The following MBD5 variants were observed in gnomAD, a reference collection of about 807,000 sequenced individuals.
MBD5 encodes the protein methyl-CpG-binding domain protein 5.
In MBD5, 13 loss-of-function variants were observed where a neutral mutation model predicts 117.3. The observed-to-expected ratio is 0.11, with a 90% confidence interval of 0.07 to 0.18. The LOEUF (loss-of-function observed/expected upper bound fraction) is 0.18. Ranked by LOEUF, MBD5 falls within the 10% of genes least tolerant of loss-of-function variation. MBD5 has a pLI of 1.00. For missense variants in MBD5, 1,879 were observed against 2,093.8 expected, an observed-to-expected ratio of 0.90 and a Z score of 2.00; for synonymous variants, 727 against 766.4, an observed-to-expected ratio of 0.95 and a Z score of 0.85.
intron 1 of MBD5, among the ~76,000 whole-genome samples, chr2:148,164,412 G>A (rs1698079990): frequency 6.6e-6 from 1 of 151,940 alleles, no homozygotes; most frequent in Admixed American, 6.6e-5. Flanking sequence ...CATAGAGAAG[G>A]GGACATTTGG....
intron 4 of MBD5, among the ~76,000 whole-genome samples, chr2:148,403,448 G>A (rs1704986088): frequency 6.6e-6 from 1 of 152,112 alleles, no homozygotes; most frequent in Non-Finnish European, 1.5e-5. Flanking sequence ...CCAAAGTTCT[G>A]GGATTATAGG....
intron 1 of MBD5, chr2:148,062,212 T>C (rs1695056055): frequency 6.6e-6 from 1 of 151,738 alleles, no homozygotes; most frequent in Non-Finnish European, 1.5e-5. Context: ...TGTATGTATA[T>C]ACATGTATCA....
At chr2:148,345,350 T>G (rs1703067460) in intron 4 of MBD5, among the ~76,000 whole-genome samples, 1 of 147,946 alleles carries the variant, frequency 6.8e-6, no homozygotes, top group Admixed American at 6.8e-5. Context: ...CATATACATA[T>G]ACACATATAC....
At chr2:148,118,999 GT>G (rs1354920850) in intron 1 of MBD5, among the ~76,000 whole-genome samples, 2 of 151,990 alleles carry the variant, frequency 1.3e-5, no homozygotes, top group East Asian at 1.9e-4. Context: ...TTATGTACAA[GT>G]TTTTTTGTGG....
chr2:148,198,185 A>C (rs1028887989), intron 2 of MBD5, among the ~76,000 whole-genome samples: 1 of 152,114 alleles, frequency 6.6e-6, no homozygotes, highest in South Asian at 2.1e-4. Context: ...TTTTTCACTA[A>C]AACATAAAAT....
At chr2:148,129,252 T>G (rs1041461965) in intron 1 of MBD5, among the ~76,000 whole-genome samples, 2 of 152,070 alleles carry the variant, frequency 1.3e-5, no homozygotes, top group Admixed American at 6.5e-5. Flanking sequence ...CTCAAAACTT[T>G]GGGAGGCAGA....
chr2:148,393,910 A>G (rs1704633450), intron 4 of MBD5, among the ~76,000 whole-genome samples: 1 of 152,194 alleles, frequency 6.6e-6, no homozygotes. Context: ...AATAGGAGTT[A>G]TTGAGAGTCA....
chr2:148,141,400 C>T lies in MBD5; in HGVS notation c.-924-37300C>T, dbSNP rs534703342. On this transcript the variant is annotated intron_variant, in intron 1 of 13. Coordinates refer to ENST00000642680, the MANE Select transcript of MBD5 (RefSeq NM_001378120.1). ...TTGACAGGTCCTACCCACTCATTTC[C>T]TTTTGGTACTTCATTCTTAACACGA... Among the ~76,000 whole-genome samples, 4 of 152,274 alleles carry T rather than the reference C, an allele frequency of 2.6e-5. No homozygotes were observed. In the South Asian group the frequency reaches 8.3e-4, roughly 32 times the overall value.
intron 2 of MBD5, among the ~76,000 whole-genome samples, chr2:148,208,568 A>C (rs921788872): frequency 2.3e-4 from 35 of 151,932 alleles, no homozygotes; most frequent in African/African-American, 8.5e-4. Context: ...TACCTACTTT[A>C]TATGACTGCT....
intron 1 of MBD5, among the ~76,000 whole-genome samples, chr2:148,112,492 C>T (rs1038130391): frequency 9.2e-5 from 14 of 152,062 alleles, no homozygotes; most frequent in Non-Finnish European, 1.6e-4. Context: ...GCAAAACGAA[C>T]GTCTTTATGA....
At chr2:148,101,498 C>A (rs540345855) in intron 1 of MBD5, among the ~76,000 whole-genome samples, 65 of 152,068 alleles carry the variant, frequency 4.3e-4, no homozygotes, top group African/African-American at 1.2e-3. Flanking sequence ...CAATGGAAAT[C>A]AAAAATATTT....
chr2:148,051,423 G>A (rs796565856), intron 1 of MBD5, among the ~76,000 whole-genome samples: 1 of 138,090 alleles, frequency 7.2e-6, no homozygotes, highest in South Asian at 2.2e-4. Context: ...TTTTTTTTTC[G>A]CCCAGTTTCC....
intron 8 of MBD5, among the ~76,000 whole-genome samples, chr2:148,473,448 T>C (rs564572179): frequency 9.2e-5 from 14 of 152,264 alleles, no homozygotes; most frequent in African/African-American, 3.4e-4. Context: ...CCAACTGTAC[T>C]CTGTGGTTAC....
At chr2:148,385,794 G>A (rs1289439902) in intron 4 of MBD5, among the ~76,000 whole-genome samples, 5 of 148,534 alleles carry the variant, frequency 3.4e-5, no homozygotes. Context: ...AAAAGGATGA[G>A]TTCATGTCCT....
chr2:148,509,834 C>A (rs927478617), intron 12 of MBD5, among the ~76,000 whole-genome samples: 1 of 151,984 alleles, frequency 6.6e-6, no homozygotes. Context: ...AGTCCATCTC[C>A]CCGCCCCACA....
intron 1 of MBD5, among the ~76,000 whole-genome samples, chr2:148,176,712 A>G (rs115421969): frequency 0.012 from 1,863 of 152,082 alleles, 44 homozygotes; most frequent in African/African-American, 0.042. Context: ...CCCAGCAACA[A>G]TTTTCGAAAC....
At chr2:148,406,002 C>T (rs910632260) in intron 4 of MBD5, among the ~76,000 whole-genome samples, 1 of 151,876 alleles carries the variant, frequency 6.6e-6, no homozygotes, top group African/African-American at 2.4e-5. Flanking sequence ...TGGTTATATA[C>T]TAAGTTGATT....
intron 1 of MBD5, among the ~76,000 whole-genome samples, chr2:148,074,011 T>C (rs1695426732): frequency 6.6e-6 from 1 of 152,206 alleles, no homozygotes; most frequent in African/African-American, 2.4e-5. Context: ...TTTTTTTCTT[T>C]TAAGATTTTT....
intron 3 of MBD5, among the ~76,000 whole-genome samples, chr2:148,249,426 T>C (rs1700414608): frequency 6.6e-6 from 1 of 152,118 alleles, no homozygotes; most frequent in African/African-American, 2.4e-5. Context: ...ATAAGTAAAA[T>C]AATTAAAAGG....
Sources: allele counts gnomAD v4.1 joint callset (sites outside exome capture counted in the v4.1 genomes callset), GRCh38; gene constraint gnomAD v4.1.1; transcripts MANE v1.5; gene names NCBI Gene and HGNC (gene_info 2026-07-23, HGNC 2026-07-21).